RSF1: variants seen among roughly 807,000 people sequenced by gnomAD.
RSF1 encodes the protein remodeling and spacing factor 1, also known as HBV pX-associated protein 8.
RSF1 carries 13 observed loss-of-function variants against 145.2 expected under a neutral mutation model. That is an observed-to-expected ratio of 0.09 (90% CI 0.06 to 0.14). RSF1 has a LOEUF of 0.14. Among genes scored for constraint, RSF1 ranks in the 10% least tolerant of loss-of-function variants. The probability of loss-of-function intolerance (pLI) is 1.00; values close to 1 mark genes in which losing one functional copy is unlikely to be tolerated. For synonymous variants in RSF1, 577 were observed against 592.6 expected (o/e 0.97, Z 0.38); for missense variants, 1,517 against 1,718.2 (o/e 0.88, Z 2.07).
intron 1 of RSF1, among the ~76,000 whole-genome samples, chr11:77,765,942 T>A (rs937986871): frequency 1.3e-5 from 2 of 152,064 alleles, no homozygotes; most frequent in Non-Finnish European, 2.9e-5. Flanking sequence ...GAGACAGGGT[T>A]TCACCACGTT....
At chr11:77,776,966 T>C (rs565213113) in intron 1 of RSF1, among the ~76,000 whole-genome samples, 1 of 152,232 alleles carries the variant, frequency 6.6e-6, no homozygotes, top group South Asian at 2.1e-4. Flanking sequence ...GAACTACAAA[T>C]AGAAAAACTT....
At chr11:77,749,937 C>T (rs773954655) in intron 2 of RSF1, among the ~76,000 whole-genome samples, 1 of 151,928 alleles carries the variant, frequency 6.6e-6, no homozygotes. Flanking sequence ...TTGGTAGAGA[C>T]GAGGTTTCAC....
intron 5 of RSF1, among the ~76,000 whole-genome samples, chr11:77,712,019 T>A (rs1237356948): frequency 6.6e-6 from 1 of 152,142 alleles, no homozygotes; most frequent in Non-Finnish European, 1.5e-5. Flanking sequence ...GGTTATACAA[T>A]CTAATGTGGA....
chr11:77,781,106 T>TC (rs551599036), intron 1 of RSF1, among the ~76,000 whole-genome samples: 321 of 151,096 alleles, frequency 2.1e-3, no homozygotes, highest in African/African-American at 7.0e-3. Flanking sequence ...TGAATTGTCT[T>TC]TTTTTTTTGA....
intron 5 of RSF1, among the ~76,000 whole-genome samples, chr11:77,725,229 T>C (rs1961025162): frequency 6.6e-6 from 1 of 152,180 alleles, no homozygotes; most frequent in Non-Finnish European, 1.5e-5. Context: ...ATGGTTAAAA[T>C]GGTAAATTTT....
chr11:77,770,153 G>A (rs146314844), intron 1 of RSF1, among the ~76,000 whole-genome samples: 338 of 152,236 alleles, frequency 2.2e-3, no homozygotes, highest in African/African-American at 7.2e-3. Context: ...TAACTTAGAC[G>A]ATCATCTAAA....
chr11:77,834,451 T>G, the RSF1 span, among the ~76,000 whole-genome samples: 205 of 148,814 alleles, frequency 1.4e-3, no homozygotes, highest in African/African-American at 4.0e-3. Flanking sequence ...GTTTTTTTTT[T>G]TTTTTTTTTT....
chr11:77,672,054 A>G lies in RSF1; in HGVS notation c.3739T>C (p.Ser1247Pro). Reference protein sequence around the residue: ...RRVHKRRLSSSESEESYLSKN... With the variant: ...RRVHKRRLSSPESEESYLSKN... ...ACCTATGCCTTACCTTCACTCTCTG[A>G]GCTGGAAAGTCTTCGCTTGTGTACT... The change falls in exon 15 of 16, where the codon TCA (serine) becomes CCA (proline). Residue 1247 changes from serine (S) to proline (P), a missense_variant. Ser to Pro is a moderately conservative substitution (Grantham distance 74). Transcript: ENST00000308488. 1 of 1,610,914 alleles carries G rather than the reference A, an allele frequency of 6.2e-7. No individual in the cohort carries two copies.
chr11:77,713,557 G>T (rs1241998627), intron 5 of RSF1, among the ~76,000 whole-genome samples: 3 of 152,152 alleles, frequency 2.0e-5, no homozygotes, highest in Non-Finnish European at 4.4e-5. Context: ...ACTACTTCAG[G>T]AAAGTGTTTT....
intron 5 of RSF1, among the ~76,000 whole-genome samples, chr11:77,705,860 A>C (rs553421083): frequency 2.6e-5 from 4 of 152,224 alleles, no homozygotes; most frequent in Admixed American, 6.5e-5. Flanking sequence ...CTCAAAAAAA[A>C]ACCAAAAAAA....
chr11:77,817,783 T>C (rs1019718253), intron 1 of RSF1, among the ~76,000 whole-genome samples: 2 of 152,200 alleles, frequency 1.3e-5, no homozygotes, highest in Admixed American at 1.3e-4. Context: ...TTTTAACTCT[T>C]GTACACTACA....
intron 11 of RSF1, among the ~76,000 whole-genome samples, chr11:77,679,275 T>A (rs926970270): frequency 2.6e-5 from 4 of 152,270 alleles, no homozygotes; most frequent in African/African-American, 9.6e-5. Context: ...AAACTAGAAG[T>A]GAGCTGAATT....
rs898458075 is a variant in RSF1 at position 77,661,884 on chromosome 11, T to C, written c.*5033A>G. The stretch of plus-strand genomic sequence containing the variant: ...GCATGACGTGCAAGCTGCTGGTCTA[T>C]GACCAGAACTCAATAAATACAGATC... On this transcript the variant is annotated 3_prime_UTR_variant, in exon 16 of 16. Transcript: ENST00000308488. 18 of 152,026 alleles carry C rather than the reference T, an allele frequency of 1.2e-4. No individual in the cohort carries two copies. The highest frequency in any genetic ancestry group is 4.1e-4 in the African/African-American group (17 of 41,406). The allele number at this position is 152,026 out of a possible 1,614,324, so 9.4% of individuals were successfully genotyped here.
intron 9 of RSF1, among the ~76,000 whole-genome samples, chr11:77,685,439 G>A (rs1054901574): frequency 6.6e-6 from 1 of 152,110 alleles, no homozygotes; most frequent in African/African-American, 2.4e-5. Context: ...GGGATTACAG[G>A]TGAGAGCCAC....
At chr11:77,787,770 A>G (rs1171856379) in intron 1 of RSF1, among the ~76,000 whole-genome samples, 1 of 151,452 alleles carries the variant, frequency 6.6e-6, no homozygotes, top group Non-Finnish European at 1.5e-5. Context: ...CTAGCATAGT[A>G]AAATTCAGAG....
chr11:77,696,465 G>C (rs1038873821), intron 7 of RSF1, among the ~76,000 whole-genome samples: 1 of 152,190 alleles, frequency 6.6e-6, no homozygotes, highest in Non-Finnish European at 1.5e-5. Context: ...ATTCTGACTT[G>C]AGGATTATCC....
intron 9 of RSF1, among the ~76,000 whole-genome samples, chr11:77,690,540 C>G (rs1015604682): frequency 6.6e-6 from 1 of 152,116 alleles, no homozygotes; most frequent in African/African-American, 2.4e-5. Flanking sequence ...TGCAACGATT[C>G]TCCTGCCTCA....
chr11:77,695,332 T>C (rs973587811), intron 7 of RSF1, among the ~76,000 whole-genome samples: 5 of 152,176 alleles, frequency 3.3e-5, no homozygotes, highest in Admixed American at 2.0e-4. Context: ...TGTGGTGTTC[T>C]GATGGTGATT....
rs1008968723 is a variant in RSF1 at position 77,660,398 on chromosome 11, T to G, written c.*6519A>C. ...TATCAGAATTACATTTCCAGTTTTCTGATCTTCCCTGCCCCCCCACCCCCA... is the reference window on the plus strand; with the variant it reads ...TATCAGAATTACATTTCCAGTTTTCGGATCTTCCCTGCCCCCCCACCCCCA... On this transcript the variant is annotated 3_prime_UTR_variant, in exon 16 of 16. Coordinates refer to ENST00000308488, the MANE Select transcript of RSF1 (RefSeq NM_016578.4). 2 of 152,166 alleles carry G rather than the reference T, an allele frequency of 1.3e-5. No individual in the cohort carries two copies. The highest frequency in any genetic ancestry group is 4.8e-5 in the African/African-American group (2 of 41,448). 9.4% of individuals were successfully genotyped at this position (152,166 alleles called of 1,614,324 possible). A position where few individuals can be genotyped will look rare whatever the true frequency, so the allele number is the denominator to read the frequency against.
Sources: allele counts gnomAD v4.1 joint callset (sites outside exome capture counted in the v4.1 genomes callset), GRCh38; gene constraint gnomAD v4.1.1; transcripts MANE v1.5; gene names NCBI Gene and HGNC (gene_info 2026-07-23, HGNC 2026-07-21).